Variants in LHFPL6 observed in about 807,000 individuals in gnomAD.
LHFPL6 encodes LHFPL tetraspan subfamily member 6 protein.
In LHFPL6, 9 loss-of-function variants were observed where a neutral mutation model predicts 20.6. The ratio of observed to expected loss-of-function variants is 0.44; its 90% confidence interval spans 0.26 to 0.76. The LOEUF (loss-of-function observed/expected upper bound fraction) is 0.76. Among genes scored for constraint, LHFPL6 ranks in the 30% least tolerant of loss-of-function variants. LHFPL6 has a pLI of 0.20. For synonymous variants in LHFPL6, 105 were observed against 98.7 expected (o/e 1.06, Z -0.38); for missense variants, 218 against 253.5 (o/e 0.86, Z 0.95).
intron 2 of LHFPL6, among the ~76,000 whole-genome samples, chr13:39,533,048 C>A (rs553447355): frequency 2.4e-4 from 37 of 152,270 alleles, no homozygotes; most frequent in African/African-American, 8.2e-4. Flanking sequence ...CATTTTAAGC[C>A]ATAGACATTT....
chr13:39,542,427 T>C (rs1278975327), intron 2 of LHFPL6, among the ~76,000 whole-genome samples: 2 of 152,118 alleles, frequency 1.3e-5, no homozygotes, highest in African/African-American at 2.4e-5. Flanking sequence ...AATAATGAAA[T>C]ATTCAAGTTA....
intron 2 of LHFPL6, among the ~76,000 whole-genome samples, chr13:39,573,939 C>G (rs1872017313): frequency 6.6e-6 from 1 of 152,120 alleles, no homozygotes; most frequent in Non-Finnish European, 1.5e-5. Flanking sequence ...GGGTCCAAGG[C>G]ACCTTCTCTC....
At chr13:39,361,367 G>T (rs900786718) in intron 3 of LHFPL6, among the ~76,000 whole-genome samples, 29 of 150,936 alleles carry the variant, frequency 1.9e-4, no homozygotes, top group African/African-American at 3.6e-4. Context: ...CGCCAGGCTG[G>T]AGTGCAGTGG....
intron 2 of LHFPL6, among the ~76,000 whole-genome samples, chr13:39,538,948 G>T (rs1870710118): frequency 6.6e-6 from 1 of 152,028 alleles, no homozygotes; most frequent in South Asian, 2.1e-4. Context: ...AATATTTTAG[G>T]CTTCGCGGGC....
intron 2 of LHFPL6, among the ~76,000 whole-genome samples, chr13:39,400,825 T>C (rs1487002296): frequency 2.1e-5 from 3 of 142,904 alleles, no homozygotes; most frequent in African/African-American, 7.9e-5. Context: ...CAAATATTAG[T>C]AATACTCTTA....
intron 2 of LHFPL6, among the ~76,000 whole-genome samples, chr13:39,583,142 T>C (rs1392408286): frequency 1.3e-5 from 2 of 150,582 alleles, no homozygotes; most frequent in Admixed American, 6.6e-5. Context: ...CAATATTTTA[T>C]GAAGAAAATG....
chr13:39,567,646 T>C (rs1412152258), intron 2 of LHFPL6, among the ~76,000 whole-genome samples: 1 of 152,132 alleles, frequency 6.6e-6, no homozygotes, highest in East Asian at 1.9e-4. Context: ...TAACAACTCT[T>C]TGAAAACACA....
intron 2 of LHFPL6, among the ~76,000 whole-genome samples, chr13:39,392,787 AT>A (rs920735143): frequency 2.6e-5 from 4 of 151,766 alleles, no homozygotes; most frequent in African/African-American, 4.8e-5. Flanking sequence ...ATTTTAAGGT[AT>A]TTTTTATGTA....
intron 2 of LHFPL6, among the ~76,000 whole-genome samples, chr13:39,515,469 C>T (rs1869879093): frequency 6.6e-6 from 1 of 152,342 alleles, no homozygotes; most frequent in African/African-American, 2.4e-5. Flanking sequence ...CCTGGGCTGA[C>T]ACTTTATTCT....
chr13:39,587,805 TA>T (rs1273805256), intron 2 of LHFPL6, among the ~76,000 whole-genome samples: 1 of 152,014 alleles, frequency 6.6e-6, no homozygotes, highest in East Asian at 1.9e-4. Context: ...ATGGCATTAC[TA>T]GTGATGAGAG....
chr13:39,480,277 T>C lies in LHFPL6; in HGVS notation c.386-101751A>G, dbSNP rs564814322. 2.1e-4 allele frequency among the ~76,000 whole-genome samples: 32 copies of C among 152,314 alleles called. No individual in the cohort carries two copies. The South Asian group carries it at 2.9e-3, about 14-fold the overall frequency. The stretch of plus-strand genomic sequence containing the variant: ...ATAAAAGTGTTAATGTATATTTAAA[T>C]GAAAGCACTTATTACTCAAAACAAG... On this transcript the variant is annotated intron_variant, in intron 2 of 3. Coordinates refer to ENST00000379589, the MANE Select transcript of LHFPL6 (RefSeq NM_005780.3).
At chr13:39,505,486 C>A (rs370746395) in intron 2 of LHFPL6, among the ~76,000 whole-genome samples, 3 of 151,018 alleles carry the variant, frequency 2.0e-5, no homozygotes, top group African/African-American at 4.9e-5. Context: ...AGAGGAGATA[C>A]GAGAACTGTC....
intron 2 of LHFPL6, among the ~76,000 whole-genome samples, chr13:39,600,088 T>C (rs543088082): frequency 6.6e-6 from 1 of 152,352 alleles, no homozygotes; most frequent in South Asian, 2.1e-4. Context: ...ACCAAAGATA[T>C]TGAAGCAATA....
At chr13:39,434,633 G>A (rs1184127327) in intron 2 of LHFPL6, among the ~76,000 whole-genome samples, 2 of 152,050 alleles carry the variant, frequency 1.3e-5, no homozygotes, top group African/African-American at 2.4e-5. Context: ...TGAAATGGTG[G>A]GTTAAATTGC....
chr13:39,539,917 G>A (rs888231795), intron 2 of LHFPL6, among the ~76,000 whole-genome samples: 24 of 152,192 alleles, frequency 1.6e-4, no homozygotes, highest in Admixed American at 2.0e-4. Context: ...AAAACTGCAT[G>A]TAATACACTT....
intron 2 of LHFPL6, among the ~76,000 whole-genome samples, chr13:39,544,048 T>C (rs1035214295): frequency 6.6e-6 from 1 of 152,234 alleles, no homozygotes; most frequent in African/African-American, 2.4e-5. Context: ...AAGAGAGGTA[T>C]AATTTCCAGT....
At chr13:39,348,728 C>T (rs1288922434) in intron 3 of LHFPL6, among the ~76,000 whole-genome samples, 1 of 152,098 alleles carries the variant, frequency 6.6e-6, no homozygotes, top group Non-Finnish European at 1.5e-5. Flanking sequence ...GCTAAGCCAC[C>T]CCACCCGCCT....
intron 3 of LHFPL6, among the ~76,000 whole-genome samples, chr13:39,366,671 C>T (rs1870020817): frequency 6.6e-6 from 1 of 152,160 alleles, no homozygotes; most frequent in Non-Finnish European, 1.5e-5. Context: ...GGATCAGAGA[C>T]AAAGGACTGT....
intron 3 of LHFPL6, among the ~76,000 whole-genome samples, chr13:39,374,482 GCAATACA>G (rs1870239139): frequency 1.3e-5 from 2 of 151,732 alleles, no homozygotes; most frequent in Admixed American, 1.3e-4. Context: ...TCCGCATCAA[GCAATACA>G]CTCATGTAAT....
Sources: allele counts gnomAD v4.1 joint callset (sites outside exome capture counted in the v4.1 genomes callset), GRCh38; gene constraint gnomAD v4.1.1; transcripts MANE v1.5; gene names NCBI Gene and HGNC (gene_info 2026-07-23, HGNC 2026-07-21).